The following NKD2 variants were observed in gnomAD, a reference collection of about 807,000 sequenced individuals.
The protein encoded by NKD2 is NKD inhibitor of Wnt signaling pathway 2.
NKD2 carries 43 observed loss-of-function variants against 34.8 expected under a neutral mutation model. The observed-to-expected ratio is 1.24, with a 90% CI of 0.97 to 1.60. The LOEUF is 1.60. Ranked by LOEUF, NKD2 falls within the 40% of genes most tolerant of loss-of-function variation. The pLI is 0.00. For missense variants in NKD2, 675 were observed against 627.1 expected (o/e 1.08, Z -0.82); for synonymous variants, 278 against 265.1 (o/e 1.05, Z -0.47).
At chr5:1,037,481 C>G (rs1011748206) in intron 9 of NKD2, 15 of 1,523,698 alleles carry the variant, frequency 9.8e-6, no homozygotes, top group East Asian at 2.5e-5. Flanking sequence ...GGCGCCCTCC[C>G]TGATATAACC....
In NKD2 at chr5:1,031,255, G is replaced by T. The variant is rs112139120; in HGVS notation, c.142-897G>T. Among the ~76,000 whole-genome samples, 276 of 152,294 alleles carry T rather than the reference G, an allele frequency of 1.8e-3. 2 individuals carry two copies. The highest frequency in any genetic ancestry group is 6.3e-3 in the African/African-American group (262 of 41,568). Reference sequence around the variant, plus strand: ...AGGAAAGGATGAAGCCGTGGGGACTGTGAGGGCAGTCCCAGCTGGGCAGCC... The same window carrying T: ...AGGAAAGGATGAAGCCGTGGGGACTTTGAGGGCAGTCCCAGCTGGGCAGCC... On this transcript the variant is annotated intron_variant, in intron 3 of 9. Coordinates refer to ENST00000296849, the MANE Select transcript of NKD2 (RefSeq NM_033120.4).
chr5:1,026,155 T>C (rs1221119022), intron 3 of NKD2, among the ~76,000 whole-genome samples: 107 of 73,024 alleles, frequency 1.5e-3, no homozygotes, highest in Non-Finnish European at 2.4e-3. Context: ...TCCCACCCGC[T>C]GTGGGCGTCC....
intron 3 of NKD2, among the ~76,000 whole-genome samples, chr5:1,027,412 C>T (rs746769153): frequency 6.6e-5 from 10 of 152,290 alleles, no homozygotes; most frequent in Non-Finnish European, 1.2e-4. Flanking sequence ...CAGAGGGACC[C>T]GGGAGCCCCG....
At position 1,036,393 on chromosome 5, in the gene NKD2, T is replaced by C. The variant is rs377130454; in HGVS notation, c.787+9T>C. 1 of 1,609,936 alleles carries C rather than the reference T, an allele frequency of 6.2e-7. No homozygotes were observed. The highest frequency in any genetic ancestry group is 8.5e-7 in the Non-Finnish European group (1 of 1,178,212). ...GTCCAGATTCGGCCCTGGTAGGTCC[T>C]GGAGGCCACCCTGGGCGTGAGGCCC... On this transcript the variant is annotated intron_variant, in intron 9 of 9. Coordinates refer to ENST00000296849, the MANE Select transcript of NKD2 (RefSeq NM_033120.4).
rs1232903465 is a variant in NKD2, at chr5:1,038,004, G to A, written c.987G>A (p.Gln329=). ...TQPRPKGPEK[Q]FLKSPKGSGK... is the part of the protein sequence containing the mutation. ...CCCGGCCGAAGGGGCCGGAGAAGCA[G>A]TTCCTCAAGTCCCCCAAGGGCTCCG... The change falls in exon 10 of 10, where the codon CAG becomes CAA. Residue 329 remains glutamine, a synonymous_variant. Transcript: ENST00000296849. The surrounding 1 kb of genome is among the most constrained non-coding windows in gnomAD (Gnocchi z 4.5). The A allele has an allele frequency of 6.2e-7, 1 of 1,607,906 alleles. No homozygotes were observed. The highest frequency in any genetic ancestry group is 8.5e-7 in the Non-Finnish European group (1 of 1,178,494).
At chr5:1,013,436 TGCACAGAGGCTCAG>T (rs545532304) in intron 3 of NKD2, among the ~76,000 whole-genome samples, 111 of 152,322 alleles carry the variant, frequency 7.3e-4, no homozygotes, top group East Asian at 1.5e-3. Flanking sequence ...AGCACAGACA[TGCACAGAGGCTCAG>T]GCACAGAGGG....
Position 1,009,431 on chromosome 5 carries a change from T to C in NKD2, c.62-50T>C. On this transcript the variant is annotated intron_variant, in intron 2 of 9. Coordinates refer to ENST00000296849, the MANE Select transcript of NKD2 (RefSeq NM_033120.4). This position sits in a 1 kb window ranked among gnomAD's most constrained non-coding sequence, Gnocchi z 6.9. ...GCGCCCGCGGGGCTCACGGCGCGTC[T>C]CTTTCCCTCCTCGGTGCGGGTTTCC... The C allele has an allele frequency of 6.9e-7, 1 of 1,445,170 alleles. No individual in the cohort carries two copies. Among genetic ancestry groups the C allele is most frequent in the South Asian group, 1.3e-5 (1 of 78,694 alleles). 89.5% of individuals were successfully genotyped at this position (1,445,170 alleles called of 1,614,324 possible). A position where few individuals can be genotyped will look rare whatever the true frequency, so the allele number is the denominator to read the frequency against.
At chr5:1,028,214 C>T (rs930582403) in intron 3 of NKD2, among the ~76,000 whole-genome samples, 15 of 152,206 alleles carry the variant, frequency 9.9e-5, no homozygotes, top group Admixed American at 4.6e-4. Context: ...ACTGTCGTGG[C>T]GGGGACGTGG....
At chr5:1,036,849 ACAG>A (rs1396303356) in intron 9 of NKD2, 2 of 451,606 alleles carry the variant, frequency 4.4e-6, no homozygotes, top group Admixed American at 2.4e-5. Flanking sequence ...GACAGTGTCG[ACAG>A]CAGGCAGTGT....
At chr5:1,022,248 ACCCGCTGTGGGCGTCTCAG>A (rs1756228718) in intron 3 of NKD2, among the ~76,000 whole-genome samples, 4 of 135,562 alleles carry the variant, frequency 3.0e-5, no homozygotes, top group South Asian at 5.0e-4. Context: ...TGCTCTTCCC[ACCCGCTGTGGGCGTCTCAG>A]CCCATTGTCC....
intron 9 of NKD2, among the ~76,000 whole-genome samples, 154 bp downstream of exon 9, chr5:1,036,538 A>G (rs1266465948): frequency 1.8e-5 from 2 of 109,434 alleles, no homozygotes; most frequent in African/African-American, 3.4e-5. Context: ...GACGGCACCC[A>G]GGTCCTTCCA....
In NKD2 at chr5:1,035,362, T is replaced by C. The variant is rs199764725; in HGVS notation, c.575-27T>C. On this transcript the variant is annotated intron_variant, in intron 7 of 9. Coordinates refer to ENST00000296849, the MANE Select transcript of NKD2 (RefSeq NM_033120.4). ...AATGCTGAATGAAGGAGGGAGGGAG[T>C]GAGTAATGGCAGGACCCCCCTTTCA... 26 of 1,528,910 alleles carry C rather than the reference T, an allele frequency of 1.7e-5. No individual in the cohort carries two copies. In the Admixed American group the frequency reaches 5.1e-4, roughly 30 times the overall value. The allele number at this position is 1,528,910 out of a possible 1,614,324, so 94.7% of individuals were successfully genotyped here. A position where few individuals can be genotyped will look rare whatever the true frequency, so the allele number is the denominator to read the frequency against.
In NKD2 at chr5:1,035,351, G is replaced by A. The variant is rs767811216; in HGVS notation, c.575-38G>A. 19 of 1,459,564 alleles carry A rather than the reference G, an allele frequency of 1.3e-5. No homozygotes were observed. The Admixed American group carries it at 3.7e-4, about 29-fold the overall frequency. 90.4% of individuals were successfully genotyped at this position (1,459,564 alleles called of 1,614,324 possible). A position where few individuals can be genotyped will look rare whatever the true frequency, so the allele number is the denominator to read the frequency against. On this transcript the variant is annotated intron_variant, in intron 7 of 9. Transcript: ENST00000296849. The stretch of plus-strand genomic sequence containing the variant: ...ATGAATGAGTGAATGCTGAATGAAG[G>A]AGGGAGGGAGTGAGTAATGGCAGGA...
In NKD2 at chr5:1,034,742, A is replaced by T. The variant is rs1034441048; in HGVS notation, c.427-14A>T. On this transcript the variant is annotated splice_polypyrimidine_tract_variant and intron_variant, in intron 6 of 9. Transcript: ENST00000296849. Reference sequence around the variant, plus strand: ...GGGGTCTGCTCTGTCAGTGAAACTGATGCCGGGCCCCAGGACATGTCCAGC... The same window carrying T: ...GGGGTCTGCTCTGTCAGTGAAACTGTTGCCGGGCCCCAGGACATGTCCAGC... The T allele has an allele frequency of 6.2e-6, 10 of 1,604,846 alleles. No individual in the cohort carries two copies. The highest frequency in any genetic ancestry group is 2.2e-5 in the South Asian group (2 of 90,744).
chr5:1,038,010 C>G lies in NKD2; in HGVS notation c.993C>G (p.Leu331=), dbSNP rs1288070906. The part of the protein sequence containing the change: ...PRPKGPEKQF[L]KSPKGSGKPP... ...CGAAGGGGCCGGAGAAGCAGTTCCT[C>G]AAGTCCCCCAAGGGCTCCGGGAAGC... The change falls in exon 10 of 10, where the codon CTC becomes CTG. Residue 331 remains leucine (L), a synonymous_variant. Coordinates refer to ENST00000296849, the MANE Select transcript of NKD2 (RefSeq NM_033120.4). The surrounding 1 kb of genome is among the most constrained non-coding windows in gnomAD (Gnocchi z 4.5). The G allele has an allele frequency of 6.2e-7, 1 of 1,607,832 alleles. No individual in the cohort carries two copies. Among genetic ancestry groups the G allele is most frequent in the Non-Finnish European group, 8.5e-7 (1 of 1,178,518 alleles).
At position 1,009,276 on chromosome 5, in the gene NKD2, T is replaced by G. The variant is rs1007072343; in HGVS notation, c.61+62T>G. 10 of 485,496 alleles carry G rather than the reference T, an allele frequency of 2.1e-5. No individual in the cohort carries two copies. The highest frequency in any genetic ancestry group is 3.2e-5 in the Non-Finnish European group (9 of 280,066). 30.1% of individuals were successfully genotyped at this position (485,496 alleles called of 1,614,324 possible). A position where few individuals can be genotyped will look rare whatever the true frequency, so the allele number is the denominator to read the frequency against. ...CGACCCGGCCCGGGACCCTCAGAGC[T>G]AGGAGCCCGCGCGCGTCCTGCCCTG... is the stretch of plus-strand genomic sequence containing the variant. On this transcript the variant is annotated intron_variant, in intron 2 of 9. Transcript: ENST00000296849. This position sits in a 1 kb window ranked among gnomAD's most constrained non-coding sequence, Gnocchi z 6.9.
intron 5 of NKD2, 68 bp from the exon 6 acceptor site, chr5:1,034,167 C>T (rs1241854035): frequency 2.7e-6 from 3 of 1,127,832 alleles, no homozygotes; most frequent in Admixed American, 2.0e-5. Flanking sequence ...GAAGATCCTT[C>T]CCCCTGTGGA....
chr5:1,036,511 C>G lies in NKD2; in HGVS notation c.787+127C>G, dbSNP rs1342831428. ...TGCCCCGCCCCCCCCCAACCCCCCC[C>G]ACCCCACCCCACCCAGGACGGCACC... On this transcript the variant is annotated intron_variant, in intron 9 of 9. Coordinates refer to ENST00000296849, the MANE Select transcript of NKD2 (RefSeq NM_033120.4). 25 of 606,100 alleles carry G rather than the reference C, an allele frequency of 4.1e-5. No individual in the cohort carries two copies. The South Asian group carries it at 4.4e-4, about 11-fold the overall frequency. The allele number at this position is 606,100 out of a possible 1,614,324, so 37.5% of individuals were successfully genotyped here.
chr5:1,019,736 G>A (rs906750805), intron 3 of NKD2, among the ~76,000 whole-genome samples: 1 of 152,178 alleles, frequency 6.6e-6, no homozygotes, highest in Non-Finnish European at 1.5e-5. Context: ...CACATATGGT[G>A]TCTTCCAAAT....
Sources: allele counts gnomAD v4.1 joint callset (sites outside exome capture counted in the v4.1 genomes callset), GRCh38; gene constraint gnomAD v4.1.1; non-coding constraint Gnocchi (gnomAD v3.1); transcripts MANE v1.5; gene names NCBI Gene and HGNC (gene_info 2026-07-23, HGNC 2026-07-21).